BLOC1S3: variants seen among roughly 807,000 people sequenced by gnomAD.
BLOC1S3 encodes biogenesis of lysosome-related organelles complex 1 subunit 3.
A neutral mutation model predicts 9.1 loss-of-function variants in BLOC1S3; 7 were observed. The observed-to-expected ratio is 0.77, with a 90% CI of 0.44 to 1.45. The LOEUF is 1.45. BLOC1S3 is among the 40% of genes most tolerant of loss of function. BLOC1S3 has a pLI of 0.01. For missense variants in BLOC1S3, 307 were observed against 315.2 expected, an observed-to-expected ratio of 0.97 and a Z score of 0.20; for synonymous variants, 145 against 158.4, an observed-to-expected ratio of 0.92 and a Z score of 0.64.
At chr19:45,193,506 T>C (rs890101139) in intron 2 of BLOC1S3, among the ~76,000 whole-genome samples, 69 of 152,150 alleles carry the variant, frequency 4.5e-4, no homozygotes, top group Non-Finnish European at 6.2e-4. Flanking sequence ...TTCCAATGTC[T>C]GTGCTTCCTC....
downstream of BLOC1S3, among the ~76,000 whole-genome samples, chr19:45,184,903 C>CAAAAAAAAAAAAAAAAAAAAAA (rs71338752): frequency 1.2e-4 from 6 of 48,286 alleles, no homozygotes; most frequent in Non-Finnish European, 2.4e-4. Flanking sequence ...CTGTCTCAAA[C>CAAAAAAAAAAAAAAAAAAAAAA]AAAAAAAAAA....
At chr19:45,198,650 T>C (rs1291170826) in intron 2 of BLOC1S3, among the ~76,000 whole-genome samples, 2 of 152,198 alleles carry the variant, frequency 1.3e-5, no homozygotes, top group African/African-American at 2.4e-5. Flanking sequence ...AGGTTTCCAC[T>C]GAAGTCTGCT....
At chr19:45,205,571 C>A (rs1969720361) in intron 3 of BLOC1S3, among the ~76,000 whole-genome samples, 1 of 152,156 alleles carries the variant, frequency 6.6e-6, no homozygotes, top group South Asian at 2.1e-4. Context: ...AGGAGAAAAT[C>A]TTTGTGACCC....
At chr19:45,211,680 C>T (rs557900982) in intron 3 of BLOC1S3, among the ~76,000 whole-genome samples, 236 of 151,594 alleles carry the variant, frequency 1.6e-3, no homozygotes, top group African/African-American at 5.3e-3. Flanking sequence ...TCAGGAAGCA[C>T]AGCCTTGGGC....
At chr19:45,187,989 C>T (rs987500744) in intron 2 of BLOC1S3, among the ~76,000 whole-genome samples, 2 of 151,950 alleles carry the variant, frequency 1.3e-5, no homozygotes, top group Non-Finnish European at 2.9e-5. Context: ...ATGGGGTATC[C>T]ACTCCCTCAA....
At chr19:45,215,850 T>G (rs2122953708) in intron 3 of BLOC1S3, among the ~76,000 whole-genome samples, 1 of 152,170 alleles carries the variant, frequency 6.6e-6, no homozygotes, top group Admixed American at 6.5e-5. Flanking sequence ...TGTGACCGCC[T>G]GTTTGTTTGT....
downstream of BLOC1S3, among the ~76,000 whole-genome samples, chr19:45,185,941 G>A (rs543121293): frequency 2.6e-5 from 4 of 151,922 alleles, no homozygotes; most frequent in East Asian, 2.0e-4. Flanking sequence ...TGAAACCCCC[G>A]TCTCTACTGA....
At chr19:45,213,034 A>G in intron 3 of BLOC1S3, 1 of 1,454,174 alleles carries the variant, frequency 6.9e-7, no homozygotes, top group Non-Finnish European at 9.0e-7. Context: ...TCAGCAGCAT[A>G]GATGGGGTCA....
intron 2 of BLOC1S3, among the ~76,000 whole-genome samples, chr19:45,189,105 C>T (rs979163913): frequency 8.5e-5 from 13 of 152,182 alleles, no homozygotes; most frequent in South Asian, 4.2e-4. Flanking sequence ...TCACTGTGCC[C>T]GGCTGTTCTT....
rs114784352 is a variant in BLOC1S3 at position 45,178,793 on chromosome 19, A to G, written c.-48A>G. On this transcript the variant is annotated 5_prime_UTR_variant, in exon 1 of 2. Coordinates refer to ENST00000433642, the MANE Select transcript of BLOC1S3 (RefSeq NM_212550.5). ...ACGGTGAGAACGCAGCACTCGGGTT[A>G]GGAAGCGGATCTCGCAAGCTCCGAG... is the stretch of plus-strand genomic sequence containing the variant. The G allele has an allele frequency of 6.9e-3, 1,092 of 157,646 alleles. 11 individuals carry two copies. The highest frequency in any genetic ancestry group is 0.024 in the African/African-American group (1,007 of 41,786). 9.8% of individuals were successfully genotyped at this position (157,646 alleles called of 1,614,324 possible).
Position 45,179,260 on chromosome 19 carries a change from G to T in BLOC1S3, c.-9-28G>T. The T allele has an allele frequency of 6.6e-7, 1 of 1,522,294 alleles. No homozygotes were observed. The highest frequency in any genetic ancestry group is 1.4e-5 in the African/African-American group (1 of 70,080). The allele number at this position is 1,522,294 out of a possible 1,614,324, so 94.3% of individuals were successfully genotyped here. Reference sequence around the variant, plus strand: ...TTACCCACCGCGGCGCCGGTCTCACGTGCAGTCCCTTCGCTCTTCTCCCCT... The same window carrying T: ...TTACCCACCGCGGCGCCGGTCTCACTTGCAGTCCCTTCGCTCTTCTCCCCT... On this transcript the variant is annotated intron_variant, in intron 1 of 1. Transcript: ENST00000433642. This position sits in a 1 kb window ranked among gnomAD's most constrained non-coding sequence, Gnocchi z 4.6.
intron 3 of BLOC1S3, among the ~76,000 whole-genome samples, chr19:45,204,656 C>T (rs1969714527): frequency 1.3e-5 from 2 of 152,164 alleles, no homozygotes; most frequent in African/African-American, 4.8e-5. Flanking sequence ...GACCAGTTAT[C>T]TATCTCTCTC....
intron 3 of BLOC1S3, chr19:45,212,971 T>C: frequency 7.8e-7 from 1 of 1,288,474 alleles, no homozygotes; most frequent in Non-Finnish European, 1.0e-6. Flanking sequence ...ATCCCAGGGG[T>C]GTGTGGTCCC....
chr19:45,194,060 C>T (rs1969628902), intron 2 of BLOC1S3, among the ~76,000 whole-genome samples: 1 of 138,654 alleles, frequency 7.2e-6, no homozygotes, highest in Non-Finnish European at 1.5e-5. Context: ...TCCTTGGCCT[C>T]CCAAAGTGCT....
chr19:45,201,512 C>T (rs914623472), intron 2 of BLOC1S3, among the ~76,000 whole-genome samples: 5 of 152,132 alleles, frequency 3.3e-5, no homozygotes, highest in South Asian at 2.1e-4. Context: ...AAGGGCTCTT[C>T]GGCCAGCAGG....
intron 2 of BLOC1S3, among the ~76,000 whole-genome samples, chr19:45,191,242 C>A (rs985807806): frequency 1.3e-5 from 2 of 152,158 alleles, no homozygotes; most frequent in African/African-American, 4.8e-5. Context: ...CATGCCTCAG[C>A]CTCCCGAGTA....
At chr19:45,196,216 G>A (rs768002633) in intron 2 of BLOC1S3, among the ~76,000 whole-genome samples, 2 of 151,868 alleles carry the variant, frequency 1.3e-5, no homozygotes, top group African/African-American at 2.4e-5. Flanking sequence ...TTTTGAGACA[G>A]GATCTCATTC....
At position 45,216,127 on chromosome 19, in the gene BLOC1S3, G is replaced by T. The variant is rs775521544; in HGVS notation, n.283-549G>T. 61 of 1,613,840 alleles carry T rather than the reference G, an allele frequency of 3.8e-5. No homozygotes were observed. In the South Asian group the frequency reaches 6.1e-4, roughly 16 times the overall value. On this transcript the variant is annotated intron_variant and non_coding_transcript_variant, in intron 3 of 3. Coordinates refer to the BLOC1S3 transcript ENST00000591569. ...TCCCACCTCCACCTGGATGCTGGGC[G>T]TGTCTTCCAGCTGCATGACTTCAGC...
chr19:45,188,687 C>T (rs1941819288), intron 2 of BLOC1S3, among the ~76,000 whole-genome samples: 1 of 151,386 alleles, frequency 6.6e-6, no homozygotes, highest in Admixed American at 6.6e-5. Context: ...ATTCTCCTGC[C>T]TCAGCCTCCC....
Sources: allele counts gnomAD v4.1 joint callset (sites outside exome capture counted in the v4.1 genomes callset), GRCh38; gene constraint gnomAD v4.1.1; non-coding constraint Gnocchi (gnomAD v3.1); transcripts MANE v1.5; gene names NCBI Gene and HGNC (gene_info 2026-07-23, HGNC 2026-07-21).